The following MTA3 variants were observed in gnomAD, a reference collection of about 807,000 sequenced individuals.
The protein encoded by MTA3 is metastasis associated 1 family member 3.
A neutral mutation model predicts 83.5 loss-of-function variants in MTA3; 34 were observed. That is an observed-to-expected ratio of 0.41 (90% CI 0.31 to 0.54). The LOEUF (loss-of-function observed/expected upper bound fraction) is 0.54. Ranked by LOEUF, MTA3 falls within the 20% of genes least tolerant of loss-of-function variation. The probability of loss-of-function intolerance (pLI) is 0.33; values close to 1 mark genes in which losing one functional copy is unlikely to be tolerated. For synonymous variants in MTA3, 303 were observed against 252.7 expected (o/e 1.20, Z -1.89); for missense variants, 761 against 726.4 (o/e 1.05, Z -0.55).
intron 6 of MTA3, among the ~76,000 whole-genome samples, chr2:42,651,005 A>G (rs1215571973): frequency 1.3e-5 from 2 of 152,170 alleles, no homozygotes; most frequent in Non-Finnish European, 2.9e-5. Context: ...GGTGCAGCTT[A>G]CTAAACACCC....
intron 11 of MTA3, chr2:42,703,872 A>G (rs7567593): frequency 0.65 from 129,393 of 200,256 alleles, 43,719 homozygotes; most frequent in African/African-American, 0.83. Flanking sequence ...CCTGGGCAAC[A>G]GAGCGAGACT....
At chr2:42,688,301 C>G (rs1219721513) in intron 9 of MTA3, among the ~76,000 whole-genome samples, 1 of 152,198 alleles carries the variant, frequency 6.6e-6, no homozygotes. Context: ...CCAGGCTGGT[C>G]TCCAACTCCT....
intron 6 of MTA3, among the ~76,000 whole-genome samples, chr2:42,655,728 G>A (rs1421198869): frequency 5.3e-5 from 8 of 152,172 alleles, no homozygotes; most frequent in South Asian, 2.1e-4. Flanking sequence ...TCAACCTCCC[G>A]AGTAGCTGGG....
chr2:42,578,903 T>TAA (rs1679325381), intron 2 of MTA3, among the ~76,000 whole-genome samples: 5 of 152,222 alleles, frequency 3.3e-5, no homozygotes, highest in Admixed American at 2.0e-4. Flanking sequence ...TTATTATATG[T>TAA]TTGACATTCC....
intron 3 of MTA3, 61 bp downstream of exon 3, chr2:42,579,261 G>A: frequency 3.2e-6 from 4 of 1,233,822 alleles, no homozygotes; most frequent in Non-Finnish European, 3.4e-6. Flanking sequence ...GTGATGAGGT[G>A]GAAACATGCT....
intron 13 of MTA3, among the ~76,000 whole-genome samples, chr2:42,708,513 C>T (rs990133039): frequency 6.6e-6 from 1 of 152,182 alleles, no homozygotes; most frequent in Admixed American, 6.5e-5. Context: ...CTGAAGATGC[C>T]AAACGCCTGT....
At chr2:42,500,583 CT>C (rs1395591700) in intron 2 of MTA3, among the ~76,000 whole-genome samples, 1 of 151,970 alleles carries the variant, frequency 6.6e-6, no homozygotes, top group Non-Finnish European at 1.5e-5. Flanking sequence ...CGTAAAAGTT[CT>C]CAGATATCTA....
chr2:42,637,935 A>C (rs1336296718), intron 4 of MTA3, among the ~76,000 whole-genome samples: 1 of 152,202 alleles, frequency 6.6e-6, no homozygotes, highest in Non-Finnish European at 1.5e-5. Context: ...CTTAAAAGTC[A>C]AGGGACTATT....
intron 2 of MTA3, among the ~76,000 whole-genome samples, chr2:42,571,125 G>A (rs1485212288): frequency 3.3e-4 from 50 of 152,150 alleles, no homozygotes; most frequent in Non-Finnish European, 1.5e-5. Context: ...GGGCATGGCG[G>A]CTCACCCCTG....
intron 9 of MTA3, among the ~76,000 whole-genome samples, chr2:42,685,208 C>T (rs1157665255): frequency 2.0e-5 from 3 of 152,180 alleles, no homozygotes; most frequent in East Asian, 3.8e-4. Context: ...ATGAGTATAA[C>T]AGTAATAATA....
At chr2:42,649,048 C>G (rs145250677) in intron 6 of MTA3, among the ~76,000 whole-genome samples, 2 of 152,248 alleles carry the variant, frequency 1.3e-5, no homozygotes, top group East Asian at 1.9e-4. Context: ...GCAGTTAGCA[C>G]AGCGCCCAGC....
intron 5 of MTA3, among the ~76,000 whole-genome samples, chr2:42,640,893 C>T (rs1687634933): frequency 6.6e-6 from 1 of 152,072 alleles, no homozygotes; most frequent in African/African-American, 2.4e-5. Flanking sequence ...CCCCCAAAAG[C>T]TTTATTACAT....
chr2:42,573,814 C>T (rs1049288044), intron 2 of MTA3, among the ~76,000 whole-genome samples: 2 of 149,306 alleles, frequency 1.3e-5, no homozygotes, highest in Non-Finnish European at 3.0e-5. Flanking sequence ...CCAGCATTTT[C>T]TTTCTTTCTT....
At chr2:42,697,048 C>G (rs1311669249) in intron 10 of MTA3, among the ~76,000 whole-genome samples, 1 of 152,170 alleles carries the variant, frequency 6.6e-6, no homozygotes, top group Non-Finnish European at 1.5e-5. Flanking sequence ...TTTCTGTTTT[C>G]TCCTCATTGG....
At position 42,755,271 on chromosome 2, in the gene MTA3, C is replaced by T. The variant is rs1402731320; in HGVS notation, c.*1872C>T. ...CACCCTTTCACTTTCTCTCTGAACCCCTACTAAGTGGTGACTGCAGATTCT... is the reference window on the plus strand; with the variant it reads ...CACCCTTTCACTTTCTCTCTGAACCTCTACTAAGTGGTGACTGCAGATTCT... On this transcript the variant is annotated 3_prime_UTR_variant, in exon 17 of 17. Transcript: ENST00000405094. 1 of 985,358 alleles carries T rather than the reference C, an allele frequency of 1.0e-6. No individual in the cohort carries two copies. Among genetic ancestry groups the T allele is most frequent in the Non-Finnish European group, 1.2e-6 (1 of 829,974 alleles). The allele number at this position is 985,358 out of a possible 1,614,324, so 61.0% of individuals were successfully genotyped here. A position where few individuals can be genotyped will look rare whatever the true frequency, so the allele number is the denominator to read the frequency against.
chr2:42,533,906 T>C (rs554071288), intron 2 of MTA3, among the ~76,000 whole-genome samples: 5 of 151,952 alleles, frequency 3.3e-5, no homozygotes, highest in Non-Finnish European at 7.4e-5. Context: ...CGATTTTCTC[T>C]CTTTCTTTTT....
At chr2:42,707,375 C>G (rs1003727848) in intron 12 of MTA3, among the ~76,000 whole-genome samples, 2 of 152,056 alleles carry the variant, frequency 1.3e-5, no homozygotes, top group Non-Finnish European at 2.9e-5. Context: ...TACCGAGTAG[C>G]TAGGACTACA....
intron 6 of MTA3, among the ~76,000 whole-genome samples, chr2:42,653,499 C>G (rs577913105): frequency 1.3e-5 from 2 of 152,256 alleles, no homozygotes; most frequent in South Asian, 4.2e-4. Context: ...AGTGATCAAA[C>G]TGATATGAAT....
intron 8 of MTA3, among the ~76,000 whole-genome samples, chr2:42,681,365 T>C (rs1368624830): frequency 1.3e-5 from 2 of 152,236 alleles, no homozygotes; most frequent in South Asian, 2.1e-4. Context: ...CATTGTTTTC[T>C]TTCTGTCTTA....
Sources: allele counts gnomAD v4.1 joint callset (sites outside exome capture counted in the v4.1 genomes callset), GRCh38; gene constraint gnomAD v4.1.1; transcripts MANE v1.5; gene names NCBI Gene and HGNC (gene_info 2026-07-23, HGNC 2026-07-21).